The following PCDHAC2 variants were observed in gnomAD, a reference collection of about 807,000 sequenced individuals.
PCDHAC2 encodes protocadherin alpha-C2.
Under a neutral mutation model 63.3 loss-of-function variants are expected in PCDHAC2, and 24 were observed. That is an observed-to-expected ratio of 0.38 (90% CI 0.27 to 0.53). The LOEUF is 0.53. Among genes scored for constraint, PCDHAC2 ranks in the 20% least tolerant of loss-of-function variants. PCDHAC2 has a pLI of 0.81. For synonymous variants in PCDHAC2, 569 were observed against 529.4 expected (o/e 1.07, Z -1.03); for missense variants, 1,181 against 1,275.2 (o/e 0.93, Z 1.12).
intron 3 of PCDHAC2, among the ~76,000 whole-genome samples, chr5:141,002,755 T>C (rs894161079): frequency 3.3e-5 from 5 of 152,174 alleles, no homozygotes; most frequent in Non-Finnish European, 7.3e-5. Flanking sequence ...GACAACCCTG[T>C]GATGTAGACA....
intron 2 of PCDHAC2, among the ~76,000 whole-genome samples, chr5:140,980,152 C>G (rs1554241475): frequency 6.6e-6 from 1 of 152,040 alleles, no homozygotes; most frequent in African/African-American, 2.4e-5. Context: ...CATGCATATA[C>G]CAGAATATTA....
chr5:140,986,195 A>G (rs1200850544), intron 3 of PCDHAC2, among the ~76,000 whole-genome samples: 1 of 152,314 alleles, frequency 6.6e-6, no homozygotes, highest in Non-Finnish European at 1.5e-5. Context: ...TAAATTGGTT[A>G]ATCCTGATTA....
chr5:141,010,360 C>T lies in PCDHAC2; in HGVS notation c.*423C>T, dbSNP rs1436094767. 22 of 1,488,936 alleles carry T rather than the reference C, an allele frequency of 1.5e-5. No individual in the cohort carries two copies. Among genetic ancestry groups the T allele is most frequent in the Non-Finnish European group, 1.9e-5 (21 of 1,118,260 alleles). The allele number at this position is 1,488,936 out of a possible 1,614,324, so 92.2% of individuals were successfully genotyped here. ...GGCCACTGGGTATGTGTGGCTACCG[C>T]GGGTATGCGAGTGCCAGATATTGGC... On this transcript the variant is annotated 3_prime_UTR_variant, in exon 4 of 4. Coordinates refer to ENST00000289269, the MANE Select transcript of PCDHAC2 (RefSeq NM_018899.6).
intron 2 of PCDHAC2, among the ~76,000 whole-genome samples, chr5:140,980,357 C>T (rs191882864): frequency 1.6e-3 from 239 of 152,238 alleles, no homozygotes; most frequent in Middle Eastern, 6.8e-3. Flanking sequence ...CTGGACTGGG[C>T]GCGGTGGCTC....
rs187844001 is a variant in PCDHAC2 at position 140,981,487 on chromosome 5, T to C, written c.2625-988T>C. On this transcript the variant is annotated intron_variant, in intron 2 of 3. Coordinates refer to ENST00000289269, the MANE Select transcript of PCDHAC2 (RefSeq NM_018899.6). ...TACTTGGGAGGCTGAGGCAGGAGAA[T>C]TGCTTGAACCTGGGAGGCAGAGGTT... Among the ~76,000 whole-genome samples the C allele has an allele frequency of 5.5e-3, 843 of 152,250 alleles. 8 individuals carry two copies. Among genetic ancestry groups the C allele is most frequent in the African/African-American group, 0.019 (806 of 41,542 alleles).
rs1554228738 is a variant in PCDHAC2, at chr5:140,966,821, C to T, written c.55C>T (p.Pro19Ser). 6.4e-7 allele frequency: 1 copy of T among 1,557,928 alleles called. No homozygotes were observed. Among genetic ancestry groups the T allele is most frequent in the Admixed American group, 1.9e-5 (1 of 53,278 alleles). The change falls in exon 1 of 4, where the codon CCC becomes TCC. Residue 19 changes from proline to serine, a missense_variant. Around this residue, in one of 3 missense-constraint regions of PCDHAC2, gnomAD observed 210 missense variants for 184.9 expected, o/e 1.14. Coordinates refer to ENST00000289269, the MANE Select transcript of PCDHAC2 (RefSeq NM_018899.6). ...GACAGAGCATCCACGGCTCCGGCGG[C>T]CCATGCCCTGGCTGCTGCTACTGCC... Reference protein sequence around the residue: ...AATEHPRLRRPMPWLLLLPLL... With the variant: ...AATEHPRLRRSMPWLLLLPLL...
chr5:140,999,183 AG>A (rs1233229901), intron 3 of PCDHAC2, among the ~76,000 whole-genome samples: 2 of 152,200 alleles, frequency 1.3e-5, no homozygotes, highest in East Asian at 1.9e-4. Flanking sequence ...TGATGGGGAG[AG>A]GGTCCTTGGA....
At chr5:140,982,592 C>G (rs376230429) in intron 3 of PCDHAC2, 29 bp downstream of exon 3, 3 of 1,610,372 alleles carry the variant, frequency 1.9e-6, no homozygotes, top group Non-Finnish European at 2.5e-6. Flanking sequence ...TCCATTCTTT[C>G]TTGGTTTCTG....
chr5:140,977,084 A>C lies in PCDHAC2; in HGVS notation c.2566-1865A>C, dbSNP rs545652987. On this transcript the variant is annotated intron_variant, in intron 1 of 3. Coordinates refer to ENST00000289269, the MANE Select transcript of PCDHAC2 (RefSeq NM_018899.6). ...TAGAAAATAGCAGCATGACAAATTA[A>C]ATGTGTCATTGGGGAAGTGAGATTG... is the stretch of plus-strand genomic sequence containing the variant. 2.0e-5 allele frequency among the ~76,000 whole-genome samples: 3 copies of C among 152,336 alleles called. No individual in the cohort carries two copies. The East Asian group carries it at 5.8e-4, about 29-fold the overall frequency.
rs565573880 is a variant in PCDHAC2, at chr5:140,968,564, G to C, written c.1798G>C (p.Ala600Pro). 1 of 1,614,168 alleles carries C rather than the reference G, an allele frequency of 6.2e-7. No homozygotes were observed. The highest frequency in any genetic ancestry group is 1.1e-5 in the South Asian group (1 of 91,080). The change falls in exon 1 of 4, where the codon GCT becomes CCT. Residue 600 changes from alanine (A) to proline (P), a missense_variant. By Grantham distance (27) the Ala-to-Pro change is conservative. This residue lies in a region of PCDHAC2 where 968 missense variants were observed against 1,073.5 expected (regional missense o/e 0.90). Transcript: ENST00000289269. ...CGAGATGGTGCCTCGAACTGCCCCTGCTGGCTACCTGGTCACCAAAGTCAT... is the reference window on the plus strand; with the variant it reads ...CGAGATGGTGCCTCGAACTGCCCCTCCTGGCTACCTGGTCACCAAAGTCAT... The part of the protein sequence containing the change: ...AFEMVPRTAP[A>P]GYLVTKVIAM...
chr5:140,992,460 G>T (rs1554252924), intron 3 of PCDHAC2, among the ~76,000 whole-genome samples: 1 of 152,170 alleles, frequency 6.6e-6, no homozygotes, highest in African/African-American at 2.4e-5. Context: ...GCAGAGGACA[G>T]TACTCTTTAG....
In PCDHAC2 at chr5:140,969,209, A is replaced by G. The variant is rs1586360550; in HGVS notation, c.2443A>G (p.Thr815Ala). ...CATGTTTTACAATACAGGGGCCCAG[A>G]CAGGACCAGGGCCTTCGGGAGCCCA... ...TFMFYNTGAQ[T>A]GPGPSGAQAA... is the part of the protein sequence containing the mutation. The change falls in exon 1 of 4, where the codon ACA becomes GCA. Residue 815 changes from threonine (T) to alanine (A), a missense_variant. Thr to Ala is a moderately conservative substitution (Grantham distance 58, BLOSUM62 0). This residue lies in a region of PCDHAC2 where 968 missense variants were observed against 1,073.5 expected (regional missense o/e 0.90). Coordinates refer to ENST00000289269, the MANE Select transcript of PCDHAC2 (RefSeq NM_018899.6). 1.2e-6 allele frequency: 2 copies of G among 1,614,194 alleles called. No homozygotes were observed. Among genetic ancestry groups the G allele is most frequent in the Non-Finnish European group, 1.7e-6 (2 of 1,180,042 alleles).
intron 3 of PCDHAC2, among the ~76,000 whole-genome samples, chr5:141,002,792 A>G (rs576285489): frequency 6.6e-6 from 1 of 152,306 alleles, no homozygotes; most frequent in South Asian, 2.1e-4. Context: ...CATTTTATGG[A>G]TGAGGAAACT....
In PCDHAC2 at chr5:141,012,013, G is replaced by A. The variant is rs181445737; in HGVS notation, c.*2076G>A. 25 of 153,796 alleles carry A rather than the reference G, an allele frequency of 1.6e-4. No homozygotes were observed. The highest frequency in any genetic ancestry group is 2.1e-4 in the South Asian group (1 of 4,818). 9.5% of individuals were successfully genotyped at this position (153,796 alleles called of 1,614,324 possible). A position where few individuals can be genotyped will look rare whatever the true frequency, so the allele number is the denominator to read the frequency against. ...CATTCTCCCATATTTTGAAGGGTGTGTAACTTCAGCTCTGCAGGATTGCAT... is the reference window on the plus strand; with the variant it reads ...CATTCTCCCATATTTTGAAGGGTGTATAACTTCAGCTCTGCAGGATTGCAT... On this transcript the variant is annotated 3_prime_UTR_variant, in exon 4 of 4. Transcript: ENST00000289269.
intron 1 of PCDHAC2, among the ~76,000 whole-genome samples, chr5:140,972,288 C>T (rs1263314074): frequency 2.0e-5 from 3 of 150,942 alleles, no homozygotes; most frequent in African/African-American, 4.9e-5. Context: ...CATAGATGTG[C>T]GCCACCGTGT....
intron 3 of PCDHAC2, among the ~76,000 whole-genome samples, chr5:140,985,544 G>T (rs1426303468): frequency 6.6e-6 from 1 of 152,108 alleles, no homozygotes; most frequent in Non-Finnish European, 1.5e-5. Flanking sequence ...TGAAGATGCA[G>T]TTGCTTCCAA....
intron 3 of PCDHAC2, among the ~76,000 whole-genome samples, chr5:140,985,060 C>A (rs1377386395): frequency 6.6e-6 from 1 of 152,066 alleles, no homozygotes; most frequent in Admixed American, 6.5e-5. Flanking sequence ...GCCTCAGCCT[C>A]CTGAGTAGCT....
intron 3 of PCDHAC2, among the ~76,000 whole-genome samples, chr5:141,007,925 G>T (rs2098351885): frequency 1.3e-5 from 2 of 152,138 alleles, no homozygotes; most frequent in South Asian, 4.2e-4. Context: ...ATATAAGCTG[G>T]AATTCTAAGC....
At position 140,984,581 on chromosome 5, in the gene PCDHAC2, C is replaced by T. The variant is rs141574202; in HGVS notation, c.2713+2018C>T. ...TCCAACTACTCCATGGCAACCTAAT[C>T]ATACTTTTCAATACATACCTCTGCA... On this transcript the variant is annotated intron_variant, in intron 3 of 3. Transcript: ENST00000289269. 4.4e-3 allele frequency among the ~76,000 whole-genome samples: 664 copies of T among 152,272 alleles called. 7 individuals carry two copies. The highest frequency in any genetic ancestry group is 0.013 in the African/African-American group (558 of 41,552).
Sources: allele counts gnomAD v4.1 joint callset (sites outside exome capture counted in the v4.1 genomes callset), GRCh38; gene constraint gnomAD v4.1.1; regional missense constraint gnomAD v4.1.1; transcripts MANE v1.5; gene names NCBI Gene and HGNC (gene_info 2026-07-23, HGNC 2026-07-21).